The following SETBP1 variants were observed in gnomAD, a reference collection of about 807,000 sequenced individuals.
SETBP1 encodes SET-binding protein.
Under a neutral mutation model 101.0 loss-of-function variants are expected in SETBP1, and 9 were observed. The observed-to-expected ratio is 0.09, with a 90% confidence interval of 0.05 to 0.16. The LOEUF (loss-of-function observed/expected upper bound fraction) is 0.16. SETBP1 is among the 10% of genes least tolerant of loss of function. The probability of loss-of-function intolerance (pLI) is 1.00; values close to 1 mark genes in which losing one functional copy is unlikely to be tolerated. For missense variants in SETBP1, 1,858 were observed against 2,033.8 expected, an observed-to-expected ratio of 0.91 and a Z score of 1.66; for synonymous variants, 818 against 788.5, an observed-to-expected ratio of 1.04 and a Z score of -0.63.
intron 2 of SETBP1, among the ~76,000 whole-genome samples, chr18:44,813,099 C>G (rs953881563): frequency 6.6e-6 from 1 of 151,884 alleles, no homozygotes; most frequent in Non-Finnish European, 1.5e-5. Flanking sequence ...AGAAAGAAAC[C>G]AATGCGGTTT....
At chr18:44,818,782 C>T (rs1294701816) in intron 2 of SETBP1, among the ~76,000 whole-genome samples, 2 of 150,082 alleles carry the variant, frequency 1.3e-5, no homozygotes, top group East Asian at 2.0e-4. Context: ...CACACACACT[C>T]CTCACCATCA....
chr18:44,945,070 T>C (rs1050356296), intron 3 of SETBP1, among the ~76,000 whole-genome samples: 1 of 152,210 alleles, frequency 6.6e-6, no homozygotes, highest in Non-Finnish European at 1.5e-5. Flanking sequence ...TACATATGTA[T>C]ACATGTGCCA....
intron 2 of SETBP1, among the ~76,000 whole-genome samples, chr18:44,859,916 T>C (rs1044005629): frequency 2.6e-5 from 4 of 152,226 alleles, no homozygotes; most frequent in African/African-American, 9.6e-5. Flanking sequence ...TGCTCCAGAT[T>C]TGGCCGAGGG....
chr18:44,701,420 C>T lies in SETBP1; in HGVS notation c.74C>T (p.Ala25Val). 1 of 1,595,078 alleles carries T rather than the reference C, an allele frequency of 6.3e-7. No individual in the cohort carries two copies. ...TCAGACTTCCTGCCGGTCTCCTCAG[C>T]CAAGCCCCCAGCTGCTCCTGGCTGT... ...GESDFLPVSSAKPPAAPGCAG... is the reference protein window; with the variant it reads ...GESDFLPVSSVKPPAAPGCAG... The change falls in exon 2 of 6, where the codon GCC becomes GTC. Residue 25 changes from alanine (A) to valine (V), a missense_variant. Physicochemically the swap from Ala to Val is moderately conservative, Grantham distance 64. This residue lies in a region of SETBP1 where 97 missense variants were observed against 101.2 expected (regional missense o/e 0.96). Coordinates refer to ENST00000649279, the MANE Select transcript of SETBP1 (RefSeq NM_015559.3).
intron 4 of SETBP1, among the ~76,000 whole-genome samples, chr18:44,960,450 T>G (rs1243354395): frequency 1.3e-5 from 2 of 152,136 alleles, no homozygotes; most frequent in Non-Finnish European, 2.9e-5. Context: ...TCCTCCCACC[T>G]CAGGCCCCCA....
At chr18:44,869,510 A>G in intron 3 of SETBP1, 1 of 518,532 alleles carries the variant, frequency 1.9e-6, no homozygotes, top group Non-Finnish European at 3.5e-6. Context: ...AATATTCTAT[A>G]GGAGAAAAAT....
intron 4 of SETBP1, among the ~76,000 whole-genome samples, chr18:44,959,080 G>A (rs1057233793): frequency 2.0e-5 from 3 of 152,188 alleles, no homozygotes; most frequent in African/African-American, 4.8e-5. Context: ...AAGTCCCCGA[G>A]CCATTTATCT....
At chr18:44,921,782 GA>G (rs1208175664) in intron 3 of SETBP1, among the ~76,000 whole-genome samples, 1 of 152,132 alleles carries the variant, frequency 6.6e-6, no homozygotes, top group Non-Finnish European at 1.5e-5. Context: ...GGGCCCAGGG[GA>G]CGGAGGGATA....
chr18:45,000,109 G>T (rs985672770), intron 4 of SETBP1, among the ~76,000 whole-genome samples: 3 of 152,246 alleles, frequency 2.0e-5, no homozygotes, highest in African/African-American at 7.2e-5. Flanking sequence ...TCATTGGCAT[G>T]AATGCCAACA....
intron 2 of SETBP1, among the ~76,000 whole-genome samples, chr18:44,739,891 A>T (rs1257954780): frequency 2.0e-5 from 3 of 152,232 alleles, no homozygotes; most frequent in African/African-American, 4.8e-5. Flanking sequence ...AGGGGTTCCC[A>T]TGTGACCTTC....
chr18:44,950,606 G>A lies in SETBP1; in HGVS notation c.1266G>A (p.Gln422=). 1 of 1,614,066 alleles carries A rather than the reference G, an allele frequency of 6.2e-7. No homozygotes were observed. Among genetic ancestry groups the A allele is most frequent in the South Asian group, 1.1e-5 (1 of 91,078 alleles). Residue 422 remains glutamine (Q), a synonymous_variant, in exon 4 of 6, where the codon CAG becomes CAA. Transcript: ENST00000649279. The stretch of plus-strand genomic sequence containing the variant: ...CCAACCATAAGAGGAAAAAAAGACA[G>A]TCCATTAAAGCGGTGGTGGAAAAGA... ...DPTNHKRKKR[Q]SIKAVVEKIM...
chr18:45,001,235 T>G (rs2072612282), intron 4 of SETBP1, among the ~76,000 whole-genome samples: 1 of 152,158 alleles, frequency 6.6e-6, no homozygotes, highest in African/African-American at 2.4e-5. Context: ...TTTTGGTAAG[T>G]CTTGTCACCA....
intron 4 of SETBP1, among the ~76,000 whole-genome samples, chr18:45,022,884 C>T (rs1412800387): frequency 2.0e-5 from 3 of 152,170 alleles, no homozygotes; most frequent in Non-Finnish European, 4.4e-5. Context: ...GCCTCTGGCA[C>T]TTTGAAGATA....
chr18:45,060,974 C>T (rs1394883240), intron 5 of SETBP1, among the ~76,000 whole-genome samples: 1 of 152,156 alleles, frequency 6.6e-6, no homozygotes, highest in East Asian at 1.9e-4. Context: ...AGGTGATTTA[C>T]TTTATTCTTT....
chr18:44,966,773 G>T (rs1391524540), intron 4 of SETBP1, among the ~76,000 whole-genome samples: 1 of 152,164 alleles, frequency 6.6e-6, no homozygotes, highest in Non-Finnish European at 1.5e-5. Context: ...AGGAGTTAAA[G>T]ACTCAGATCT....
At chr18:44,736,376 G>A (rs531655676) in intron 2 of SETBP1, among the ~76,000 whole-genome samples, 6 of 152,278 alleles carry the variant, frequency 3.9e-5, no homozygotes, top group South Asian at 2.1e-4. Flanking sequence ...GTGAGATCAC[G>A]TCTGTTTACT....
chr18:44,877,579 C>A (rs1047265835), intron 3 of SETBP1, among the ~76,000 whole-genome samples: 2 of 152,104 alleles, frequency 1.3e-5, no homozygotes, highest in Non-Finnish European at 2.9e-5. Flanking sequence ...CTAAGGAAAC[C>A]CATTTAATTA....
At chr18:45,029,285 T>G (rs1490251729) in intron 4 of SETBP1, among the ~76,000 whole-genome samples, 1 of 152,106 alleles carries the variant, frequency 6.6e-6, no homozygotes, top group Non-Finnish European at 1.5e-5. Context: ...TCCCCATTGC[T>G]TGTTTTTCTC....
rs539788784 is a variant in SETBP1, at chr18:44,870,889, T to C, written c.540+1606T>C. The C allele has an allele frequency of 3.3e-5, 5 of 152,288 alleles. No individual in the cohort carries two copies. The South Asian group carries it at 1.0e-3, about 32-fold the overall frequency. The allele number at this position is 152,288 out of a possible 1,614,324, so 9.4% of individuals were successfully genotyped here. A position where few individuals can be genotyped will look rare whatever the true frequency, so the allele number is the denominator to read the frequency against. On this transcript the variant is annotated intron_variant, in intron 3 of 5. Transcript: ENST00000649279. ...GTGTTTGTTGACCTACACTTTTAGATATTAGATTTAAACTAATAGAGCAAA... is the reference window on the plus strand; with the variant it reads ...GTGTTTGTTGACCTACACTTTTAGACATTAGATTTAAACTAATAGAGCAAA...
Sources: allele counts gnomAD v4.1 joint callset (sites outside exome capture counted in the v4.1 genomes callset), GRCh38; gene constraint gnomAD v4.1.1; regional missense constraint gnomAD v4.1.1; transcripts MANE v1.5; gene names NCBI Gene and HGNC (gene_info 2026-07-23, HGNC 2026-07-21).